Variants in SIGLEC7 observed in about 807,000 individuals in gnomAD.
The protein encoded by SIGLEC7 is sialic acid-binding Ig-like lectin 7.
Under a neutral mutation model 40.8 loss-of-function variants are expected in SIGLEC7, and 33 were observed. The observed-to-expected ratio is 0.81, with a 90% CI of 0.61 to 1.08. The LOEUF (loss-of-function observed/expected upper bound fraction) is 1.08, where lower values mean the gene tolerates loss of function less well. Among genes scored for constraint, SIGLEC7 ranks in the 50% least tolerant of loss-of-function variants. The pLI is 0.00. For missense variants in SIGLEC7, 513 were observed against 576.1 expected (o/e 0.89, Z 1.12); for synonymous variants, 242 against 237.6 (o/e 1.02, Z -0.17).
In SIGLEC7 at chr19:51,144,507, C is replaced by A; in HGVS notation, c.535C>A (p.Pro179Thr). Residue 179 changes from proline (P) to threonine (T), a missense_variant, in exon 2 of 7, where the codon CCC becomes ACC. By Grantham distance (38) the Pro-to-Thr change is conservative. Transcript: ENST00000317643. ...SVPWACEQGTPPMISWMGTSV... is the reference protein window; with the variant it reads ...SVPWACEQGTTPMISWMGTSV... ...GCCCTGGGCCTGTGAGCAGGGGACG[C>A]CCCCTATGATCTCCTGGATGGGGAC... The A allele has an allele frequency of 6.2e-7, 1 of 1,613,822 alleles. No homozygotes were observed. Among genetic ancestry groups the A allele is most frequent in the Non-Finnish European group, 8.5e-7 (1 of 1,180,000 alleles).
At position 51,145,986 on chromosome 19, in the gene SIGLEC7, T is replaced by G. The variant is rs1315904762; in HGVS notation, c.892T>G (p.Ser298Ala). The G allele has an allele frequency of 6.2e-7, 1 of 1,614,178 alleles. No individual in the cohort carries two copies. The highest frequency in any genetic ancestry group is 1.1e-5 in the South Asian group (1 of 91,084). Residue 298 changes from serine (S) to alanine (A), a missense_variant, in exon 4 of 7, where the codon TCA becomes GCA. Transcript: ENST00000317643. The surrounding 1 kb of genome is among the most constrained non-coding windows in gnomAD (Gnocchi z 4.3). ...WTWRSLTLYP[S>A]QPSNPLVLEL... ...CTGGAGGAGTCTGACCCTGTACCCCTCACAGCCCTCAAACCCTCTGGTACT... is the reference window on the plus strand; with the variant it reads ...CTGGAGGAGTCTGACCCTGTACCCCGCACAGCCCTCAAACCCTCTGGTACT...
chr19:51,142,344 C>A lies in SIGLEC7; in HGVS notation c.-26C>A, dbSNP rs779965667. 6.9e-6 allele frequency: 11 copies of A among 1,604,478 alleles called. No individual in the cohort carries two copies. The South Asian group carries it at 8.9e-5, about 13-fold the overall frequency. On this transcript the variant is annotated 5_prime_UTR_variant, in exon 1 of 7. Coordinates refer to ENST00000317643, the MANE Select transcript of SIGLEC7 (RefSeq NM_014385.4). This position sits in a 1 kb window ranked among gnomAD's most constrained non-coding sequence, Gnocchi z 5.0. ...ACCCTGAGGAACAGACGTTCCCTCG[C>A]GGCCCTGGCACCTCCAACCCCAGAT...
At position 51,144,971 on chromosome 19, in the gene SIGLEC7, C is replaced by T. The variant is rs771357339; in HGVS notation, c.760+12C>T. The T allele has an allele frequency of 4.3e-6, 7 of 1,613,532 alleles. No individual in the cohort carries two copies. In the South Asian group the frequency reaches 5.5e-5, roughly 13 times the overall value. ...AGGAGAAGGCACAGGTAGGATGGAG[C>T]CCCCTCCCTGGGGCTGGGGGAGCAG... On this transcript the variant is annotated intron_variant, in intron 3 of 6. Transcript: ENST00000317643.
chr19:51,149,241 A>G (rs961541853), intron 6 of SIGLEC7, among the ~76,000 whole-genome samples: 42 of 152,186 alleles, frequency 2.8e-4, no homozygotes, highest in African/African-American at 1.0e-3. Context: ...CTGTTTATCC[A>G]GAACGATATT....
intron 6 of SIGLEC7, among the ~76,000 whole-genome samples, chr19:51,151,040 G>A (rs1305917431): frequency 1.1e-4 from 16 of 152,168 alleles, no homozygotes; most frequent in Admixed American, 1.0e-3. Context: ...TCTGGCCACT[G>A]TGTGCAGAAG....
rs2092100677 is a variant in SIGLEC7, at chr19:51,145,416, A to T, written c.761-439A>T. 6.6e-6 allele frequency among the ~76,000 whole-genome samples: 1 copy of T among 152,168 alleles called. No individual in the cohort carries two copies. Among genetic ancestry groups the T allele is most frequent in the Admixed American group, 6.5e-5 (1 of 15,286 alleles). On this transcript the variant is annotated intron_variant, in intron 3 of 6. Transcript: ENST00000317643. The surrounding 1 kb of genome is among the most constrained non-coding windows in gnomAD (Gnocchi z 4.3). The stretch of plus-strand genomic sequence containing the variant: ...GAGCCTTGGTTTGTGCACCTGGAAG[A>T]TCTCAGAGGTGGTTTGATGTCAGCA...
Position 51,142,535 on chromosome 19 carries a change from ACTGACT to A in SIGLEC7, c.172_177del (p.Ser58_Asp59del), listed in dbSNP as rs2122881409. ...CTTCTCCTACCCAGTGGACAGCCAG[ACTGACT>A]CTGACCCAGTTCATGGCTACTGGTT... On this transcript the variant is annotated inframe_deletion, in exon 1 of 7. Coordinates refer to ENST00000317643, the MANE Select transcript of SIGLEC7 (RefSeq NM_014385.4). The surrounding 1 kb of genome is among the most constrained non-coding windows in gnomAD (Gnocchi z 5.0). 6.2e-7 allele frequency: 1 copy of A among 1,614,142 alleles called. No homozygotes were observed. The highest frequency in any genetic ancestry group is 1.7e-5 in the Admixed American group (1 of 60,024).
chr19:51,146,244 T>C, intron 4 of SIGLEC7, 123 bp downstream of exon 4: 1 of 1,308,176 alleles, frequency 7.6e-7, no homozygotes, highest in Non-Finnish European at 1.1e-6. Context: ...GGCCTGGAAC[T>C]TCCCTGCAAC....
Position 51,145,038 on chromosome 19 carries a change from G to T in SIGLEC7, c.760+79G>T. The T allele has an allele frequency of 7.2e-7, 1 of 1,388,142 alleles. No homozygotes were observed. The highest frequency in any genetic ancestry group is 1.0e-6 in the Non-Finnish European group (1 of 975,748). 86.0% of individuals were successfully genotyped at this position (1,388,142 alleles called of 1,614,324 possible). A position where few individuals can be genotyped will look rare whatever the true frequency, so the allele number is the denominator to read the frequency against. On this transcript the variant is annotated intron_variant, in intron 3 of 6. Coordinates refer to ENST00000317643, the MANE Select transcript of SIGLEC7 (RefSeq NM_014385.4). The surrounding 1 kb of genome is among the most constrained non-coding windows in gnomAD (Gnocchi z 4.3). ...CAGGGCCAGGTCCCTCCTCATCCTGGACTCACCCTGGTGATATGAGACTCC... is the reference window on the plus strand; with the variant it reads ...CAGGGCCAGGTCCCTCCTCATCCTGTACTCACCCTGGTGATATGAGACTCC...
chr19:51,152,772 G>A (rs78262912), intron 6 of SIGLEC7, among the ~76,000 whole-genome samples: 15 of 152,262 alleles, frequency 9.9e-5, no homozygotes, highest in East Asian at 3.9e-4. Context: ...ATTGGGTCCC[G>A]GCATAACAGG....
chr19:51,152,660 C>T (rs1400887298), intron 6 of SIGLEC7, among the ~76,000 whole-genome samples: 2 of 152,212 alleles, frequency 1.3e-5, no homozygotes, highest in Non-Finnish European at 2.9e-5. Flanking sequence ...AGGGCCAACA[C>T]CTACTGTGTC....
Position 51,144,510 on chromosome 19 carries a change from C to G in SIGLEC7, c.538C>G (p.Pro180Ala). The change falls in exon 2 of 7, where the codon CCT (proline) becomes GCT (alanine). Residue 180 changes from proline (P) to alanine (A), a missense_variant. Physicochemically the swap from Pro to Ala is conservative, Grantham distance 27. Coordinates refer to ENST00000317643, the MANE Select transcript of SIGLEC7 (RefSeq NM_014385.4). ...CTGGGCCTGTGAGCAGGGGACGCCC[C>G]CTATGATCTCCTGGATGGGGACCTC... The part of the protein sequence containing the change: ...VPWACEQGTP[P>A]MISWMGTSVS... 2 of 1,613,856 alleles carry G rather than the reference C, an allele frequency of 1.2e-6. No homozygotes were observed. The highest frequency in any genetic ancestry group is 2.2e-5 in the South Asian group (2 of 91,090).
intron 1 of SIGLEC7, among the ~76,000 whole-genome samples, chr19:51,143,165 G>A (rs2092081683): frequency 6.6e-6 from 1 of 152,146 alleles, no homozygotes; most frequent in Non-Finnish European, 1.5e-5. Flanking sequence ...CCCATGCAGT[G>A]AGACAATAAC....
At chr19:51,151,308 T>C (rs569073325) in intron 6 of SIGLEC7, among the ~76,000 whole-genome samples, 21 of 152,314 alleles carry the variant, frequency 1.4e-4, no homozygotes, top group Admixed American at 3.9e-4. Flanking sequence ...GTGCCAATCA[T>C]TGAGGCTGAG....
chr19:51,147,438 C>T (rs1293285938), intron 6 of SIGLEC7, 121 bp downstream of exon 6: 1 of 735,788 alleles, frequency 1.4e-6, no homozygotes, highest in East Asian at 3.5e-5. Context: ...CTCCTTCCCA[C>T]CATCCAGCTT....
chr19:51,151,403 C>G (rs57178266), intron 6 of SIGLEC7, among the ~76,000 whole-genome samples: 2 of 152,110 alleles, frequency 1.3e-5, no homozygotes, highest in East Asian at 1.9e-4. Context: ...TGGACAAGAA[C>G]GCGGGGGTTT....
Position 51,146,032 on chromosome 19 carries a change from G to T in SIGLEC7, c.938G>T (p.Gly313Val). Residue 313 changes from glycine (G) to valine (V), a missense_variant, in exon 4 of 7, where the codon GGG (glycine) becomes GTG (valine). Transcript: ENST00000317643. ...GTACTGGAGCTGCAAGTGCACCTGGGGGATGAAGGGGAATTCACCTGTCGA... is the reference window on the plus strand; with the variant it reads ...GTACTGGAGCTGCAAGTGCACCTGGTGGATGAAGGGGAATTCACCTGTCGA... Reference protein sequence around the residue: ...PLVLELQVHLGDEGEFTCRAQ... With the variant: ...PLVLELQVHLVDEGEFTCRAQ... 6.2e-7 allele frequency: 1 copy of T among 1,614,212 alleles called. No individual in the cohort carries two copies.
chr19:51,144,761 C>A, intron 2 of SIGLEC7, 77 bp downstream of exon 2: 1 of 1,583,120 alleles, frequency 6.3e-7, no homozygotes, highest in Non-Finnish European at 8.6e-7. Flanking sequence ...GGTCAGGGCT[C>A]GACACTGGGT....
Position 51,153,385 on chromosome 19 carries a change from T to G in SIGLEC7, c.*140T>G, listed in dbSNP as rs1404061288. 1.6e-6 allele frequency: 1 copy of G among 636,028 alleles called. No homozygotes were observed. The highest frequency in any genetic ancestry group is 1.8e-5 in the African/African-American group (1 of 54,208). The allele number at this position is 636,028 out of a possible 1,614,324, so 39.4% of individuals were successfully genotyped here. A position where few individuals can be genotyped will look rare whatever the true frequency, so the allele number is the denominator to read the frequency against. On this transcript the variant is annotated 3_prime_UTR_variant, in exon 7 of 7. Coordinates refer to ENST00000317643, the MANE Select transcript of SIGLEC7 (RefSeq NM_014385.4). ...CTTATTCCTCTTGTCTAACTGAAAA[T>G]GCATGCCTGATGACCAAACTCTCCC...
Sources: allele counts gnomAD v4.1 joint callset (sites outside exome capture counted in the v4.1 genomes callset), GRCh38; gene constraint gnomAD v4.1.1; non-coding constraint Gnocchi (gnomAD v3.1); transcripts MANE v1.5; gene names NCBI Gene and HGNC (gene_info 2026-07-23, HGNC 2026-07-21).